The following RBFOX2 variants were observed in gnomAD, a reference collection of about 807,000 sequenced individuals.
The protein encoded by RBFOX2 is RNA binding fox-1 homolog 2.
In RBFOX2, 10 loss-of-function variants were observed where a neutral mutation model predicts 49.1. That is an observed-to-expected ratio of 0.20 (90% CI 0.13 to 0.35). The LOEUF is 0.35. RBFOX2 is among the 10% of genes least tolerant of loss of function. The pLI, the probability that RBFOX2 is intolerant of heterozygous loss-of-function variation, is 1.00. For missense variants in RBFOX2, 323 were observed against 486.9 expected (o/e 0.66, Z 3.17); for synonymous variants, 183 against 187.4 (o/e 0.98, Z 0.19).
intron 1 of RBFOX2, among the ~76,000 whole-genome samples, chr22:35,899,120 A>AG (rs1451173430): frequency 7.0e-6 from 1 of 143,622 alleles, no homozygotes; most frequent in Non-Finnish European, 1.5e-5. Context: ...TTCTGTCTCA[A>AG]AAATAACATA....
upstream of RBFOX2, among the ~76,000 whole-genome samples, chr22:35,943,669 T>C (rs1032424084): frequency 3.3e-5 from 5 of 151,900 alleles, no homozygotes; most frequent in Non-Finnish European, 5.9e-5. Context: ...GAGGCTGAGG[T>C]GGGTGGATCA....
At chr22:35,745,720 C>T (rs1265700045) in intron 11 of RBFOX2, among the ~76,000 whole-genome samples, 2 of 152,178 alleles carry the variant, frequency 1.3e-5, no homozygotes, top group South Asian at 4.1e-4. Context: ...CTTTCTGCTG[C>T]CCTTAACTAG....
intron 1 of RBFOX2, among the ~76,000 whole-genome samples, chr22:35,936,661 G>A (rs1046506273): frequency 1.3e-5 from 2 of 152,122 alleles, no homozygotes; most frequent in Admixed American, 1.3e-4. Context: ...TTTAAACCAT[G>A]GCAAAGGGTC....
intron 1 of RBFOX2, among the ~76,000 whole-genome samples, chr22:36,017,878 C>A (rs1453354117): frequency 6.6e-6 from 1 of 152,216 alleles, no homozygotes; most frequent in Non-Finnish European, 1.5e-5. Flanking sequence ...CTACCCAACA[C>A]ATTCTGCAGT....
chr22:35,817,349 C>T (rs533523836), intron 1 of RBFOX2, among the ~76,000 whole-genome samples: 3 of 152,026 alleles, frequency 2.0e-5, no homozygotes, highest in South Asian at 2.1e-4. Context: ...TGATGGTGCA[C>T]GTCTGTAATC....
chr22:35,997,638 GA>G (rs1460227970), intron 1 of RBFOX2: 3 of 152,216 alleles, frequency 2.0e-5, no homozygotes, highest in African/African-American at 7.2e-5. Context: ...GAGTATAGAG[GA>G]AAGTCTGAGT....
chr22:35,798,068 C>A (rs1412896688), intron 2 of RBFOX2, among the ~76,000 whole-genome samples: 1 of 152,170 alleles, frequency 6.6e-6, no homozygotes, highest in South Asian at 2.1e-4. Context: ...CTCTGCCTCC[C>A]GAGTTTAAGC....
chr22:35,748,219 A>G (rs953911807), intron 9 of RBFOX2: 1 of 152,222 alleles, frequency 6.6e-6, no homozygotes, highest in Non-Finnish European at 1.5e-5. Context: ...GTTATACATT[A>G]TTCCTCCTTT....
chr22:35,944,197 A>C (rs2054013466), intron 1 of RBFOX2, among the ~76,000 whole-genome samples: 1 of 152,212 alleles, frequency 6.6e-6, no homozygotes, highest in African/African-American at 2.4e-5. Flanking sequence ...AAATCTATTA[A>C]AAATAACTAC....
chr22:35,876,701 A>AACACAC (rs142455818), intron 1 of RBFOX2, among the ~76,000 whole-genome samples: 4,357 of 140,508 alleles, frequency 0.031, 65 homozygotes, highest in African/African-American at 0.043. Flanking sequence ...CATTAAAAGA[A>AACACAC]ACACACACAC....
At chr22:35,799,527 T>C (rs1949383910) in intron 2 of RBFOX2, among the ~76,000 whole-genome samples, 1 of 152,218 alleles carries the variant, frequency 6.6e-6, no homozygotes, top group East Asian at 1.9e-4. Context: ...AGTTCTTTTC[T>C]TTTTGTTCTC....
At chr22:35,761,682 G>A (rs1191751583) in intron 6 of RBFOX2, among the ~76,000 whole-genome samples, 3 of 152,116 alleles carry the variant, frequency 2.0e-5, no homozygotes, top group East Asian at 3.9e-4. Context: ...GGGGGGCTTG[G>A]CAGGTGTCAT....
intron 1 of RBFOX2, among the ~76,000 whole-genome samples, chr22:35,894,723 G>C (rs1364384607): frequency 6.6e-6 from 1 of 152,110 alleles, no homozygotes; most frequent in Non-Finnish European, 1.5e-5. Flanking sequence ...TGCTCTGTGG[G>C]GAGGCCATTT....
intron 1 of RBFOX2, among the ~76,000 whole-genome samples, chr22:35,862,380 G>T (rs5755968): frequency 9.3e-5 from 14 of 150,128 alleles, no homozygotes; most frequent in East Asian, 1.9e-4. Flanking sequence ...TCTTTGGAGG[G>T]GGGGGGGAAT....
intron 1 of RBFOX2, among the ~76,000 whole-genome samples, chr22:35,894,626 A>G (rs2047618184): frequency 1.3e-5 from 2 of 151,998 alleles, no homozygotes; most frequent in Non-Finnish European, 2.9e-5. Flanking sequence ...GATAAACAAC[A>G]TAGGGGGAGG....
At chr22:35,751,212 T>A (rs560030697) in intron 9 of RBFOX2, among the ~76,000 whole-genome samples, 1 of 152,200 alleles carries the variant, frequency 6.6e-6, no homozygotes, top group Non-Finnish European at 1.5e-5. Context: ...GCTTTTAATT[T>A]TATTATATTT....
intron 1 of RBFOX2, among the ~76,000 whole-genome samples, chr22:35,969,873 C>T (rs775374269): frequency 1.3e-5 from 2 of 152,202 alleles, no homozygotes; most frequent in Non-Finnish European, 2.9e-5. Context: ...TGGGTTGAGG[C>T]TGTCTCTGAA....
At chr22:35,799,568 G>A (rs916690721) in intron 2 of RBFOX2, among the ~76,000 whole-genome samples, 1 of 151,998 alleles carries the variant, frequency 6.6e-6, no homozygotes, top group Admixed American at 6.6e-5. Flanking sequence ...CAACATAAGC[G>A]AAATATACTT....
At chr22:35,862,536 C>T (rs1304154023) in intron 1 of RBFOX2, among the ~76,000 whole-genome samples, 1 of 152,100 alleles carries the variant, frequency 6.6e-6, no homozygotes, top group Non-Finnish European at 1.5e-5. Context: ...TGCATACATC[C>T]TCCTCACTTT....
Sources: gnomAD v4.1 joint callset for allele counts (sites outside exome capture counted in the v4.1 genomes callset) on GRCh38, gnomAD v4.1.1 for gene constraint, MANE v1.5 for transcripts, NCBI Gene and HGNC (gene_info 2026-07-23, HGNC 2026-07-21) for gene names.